NBAS: variants seen among roughly 807,000 people sequenced by gnomAD.
NBAS encodes NAG/BC035112 fusion.
Under a neutral mutation model 302.5 loss-of-function variants are expected in NBAS, and 219 were observed. The ratio of observed to expected loss-of-function variants is 0.72; its 90% CI spans 0.65 to 0.81. The LOEUF (loss-of-function observed/expected upper bound fraction) is 0.81. Among genes scored for constraint, NBAS ranks in the 30% least tolerant of loss-of-function variants. NBAS has a pLI of 0.00. For missense variants in NBAS, 2,932 were observed against 2,841.6 expected, an observed-to-expected ratio of 1.03 and a Z score of -0.72; for synonymous variants, 1,118 against 1,021.6, an observed-to-expected ratio of 1.09 and a Z score of -1.80.
Position 15,379,696 on chromosome 2 carries a change from T to C in NBAS, c.3496A>G (p.Ser1166Gly). ...AHKGKPHYRV[S>G]YEKSIDLVLA... is the part of the protein sequence containing the mutation. The stretch of plus-strand genomic sequence containing the variant: ...ACCAAGTCAATACTCTTTTCGTAGC[T>C]GACCCTGTAGTGGGGTTTCCCTTTA... Residue 1166 changes from serine to glycine, a missense_variant, in exon 30 of 52, where the codon AGC becomes GGC. Ser to Gly is a moderately conservative substitution (Grantham distance 56). Transcript: ENST00000281513. The C allele has an allele frequency of 2.5e-6, 4 of 1,614,080 alleles. No homozygotes were observed. Among genetic ancestry groups the C allele is most frequent in the South Asian group, 2.2e-5 (2 of 91,082 alleles).
At chr2:15,078,726 A>T in the NBAS span, among the ~76,000 whole-genome samples, 1 of 152,182 alleles carries the variant, frequency 6.6e-6, no homozygotes, top group Non-Finnish European at 1.5e-5. Context: ...CACTGTAAAA[A>T]AATTTCGACT....
chr2:15,133,400 A>G, the NBAS span, among the ~76,000 whole-genome samples: 14 of 152,200 alleles, frequency 9.2e-5, no homozygotes, highest in Non-Finnish European at 1.6e-4. Flanking sequence ...GATGAAATAT[A>G]TCTGAGTATT....
At chr2:15,532,102 T>C (rs1663245528) in intron 9 of NBAS, among the ~76,000 whole-genome samples, 1 of 152,188 alleles carries the variant, frequency 6.6e-6, no homozygotes, top group African/African-American at 2.4e-5. Context: ...GGAAAATCAC[T>C]GAAATCATGA....
chr2:14,983,267 C>A, the NBAS span, among the ~76,000 whole-genome samples: 1 of 152,160 alleles, frequency 6.6e-6, no homozygotes, highest in South Asian at 2.1e-4. Flanking sequence ...AGCCTTTTAG[C>A]CTCATTGGAT....
At chr2:15,034,252 G>GAAAGAAAGAAAGAA in the NBAS span, among the ~76,000 whole-genome samples, 2 of 94,236 alleles carry the variant, frequency 2.1e-5, no homozygotes, top group Non-Finnish European at 4.4e-5. Context: ...AAGAAAGAAA[G>GAAAGAAAGAAAGAA]AAAGAAAGAA....
the NBAS span, among the ~76,000 whole-genome samples, chr2:14,978,978 T>C: frequency 2.0e-5 from 3 of 152,162 alleles, no homozygotes; most frequent in South Asian, 4.1e-4. Context: ...TGGAGGTGCA[T>C]GGAGAGCTAT....
the NBAS span, among the ~76,000 whole-genome samples, chr2:14,949,684 T>C: frequency 6.6e-6 from 1 of 152,142 alleles, no homozygotes. Context: ...GATATAGATA[T>C]AGATATATAA....
chr2:15,093,929 A>G, the NBAS span, among the ~76,000 whole-genome samples: 2 of 152,232 alleles, frequency 1.3e-5, no homozygotes, highest in African/African-American at 4.8e-5. Flanking sequence ...GGTGATTCTC[A>G]TAATACTTCA....
At chr2:15,537,787 G>C (rs992572268) in intron 7 of NBAS, among the ~76,000 whole-genome samples, 5 of 152,132 alleles carry the variant, frequency 3.3e-5, no homozygotes, top group Non-Finnish European at 1.5e-5. Flanking sequence ...GAAGCTCCCT[G>C]TACATGTAAA....
At chr2:15,190,944 AG>A (rs1219821221) in intron 48 of NBAS, among the ~76,000 whole-genome samples, 4 of 152,236 alleles carry the variant, frequency 2.6e-5, no homozygotes, top group African/African-American at 9.6e-5. Context: ...CGAATGAAAA[AG>A]TAGTCTCTGC....
At chr2:15,528,866 C>CAAAAAAA (rs67437705) in intron 9 of NBAS, among the ~76,000 whole-genome samples, 7 of 88,718 alleles carry the variant, frequency 7.9e-5, no homozygotes, top group South Asian at 3.9e-4. Flanking sequence ...GACTCCATCT[C>CAAAAAAA]AAAAAAAAAA....
intron 21 of NBAS, among the ~76,000 whole-genome samples, chr2:15,442,877 C>T (rs1373781224): frequency 6.6e-6 from 1 of 152,016 alleles, no homozygotes; most frequent in African/African-American, 2.4e-5. Context: ...ACAAACACCT[C>T]TATGCAAATA....
At chr2:15,107,273 G>A in the NBAS span, among the ~76,000 whole-genome samples, 1 of 152,096 alleles carries the variant, frequency 6.6e-6, no homozygotes, top group Non-Finnish European at 1.5e-5. Context: ...GGCCATGTGA[G>A]GACATAGTGA....
chr2:15,421,902 C>T (rs1572824783), intron 23 of NBAS, among the ~76,000 whole-genome samples: 1 of 152,094 alleles, frequency 6.6e-6, no homozygotes. Context: ...CCTGCCCCAC[C>T]CTCCAACCAC....
At chr2:15,437,291 T>C (rs757959395) in intron 21 of NBAS, among the ~76,000 whole-genome samples, 1 of 152,134 alleles carries the variant, frequency 6.6e-6, no homozygotes, top group Non-Finnish European at 1.5e-5. Flanking sequence ...GAGACCATCC[T>C]GGGTGACAGA....
intron 48 of NBAS, among the ~76,000 whole-genome samples, chr2:15,214,662 A>C (rs1400204825): frequency 6.6e-6 from 1 of 152,228 alleles, no homozygotes; most frequent in Non-Finnish European, 1.5e-5. Flanking sequence ...TTAGCTTTGA[A>C]GACATTTAAG....
rs201325677 is a variant in NBAS at position 15,353,611 on chromosome 2, T to C, written c.4031A>G (p.His1344Arg). 1.2e-6 allele frequency: 2 copies of C among 1,614,072 alleles called. No individual in the cohort carries two copies. The highest frequency in any genetic ancestry group is 1.7e-5 in the Admixed American group (1 of 60,024). ...AAGTTCAATGCTGCTAGGAGGGCAA[T>C]GTGTCAAAGCAAAAGCCATGAGCTC... is the stretch of plus-strand genomic sequence containing the variant. ...RQELMAFALTHCPPSSIELLL... is the reference protein window; with the variant it reads ...RQELMAFALTRCPPSSIELLL... Residue 1344 changes from histidine (H) to arginine (R), a missense_variant, in exon 34 of 52, where the codon CAT (histidine) becomes CGT (arginine). Physicochemically the swap from His to Arg is conservative, Grantham distance 29 (BLOSUM62 0). Transcript: ENST00000281513.
At chr2:15,478,530 C>T (rs1269706512) in intron 12 of NBAS, among the ~76,000 whole-genome samples, 3 of 152,160 alleles carry the variant, frequency 2.0e-5, no homozygotes, top group African/African-American at 2.4e-5. Flanking sequence ...ATATGAACAA[C>T]AGGATAGCAA....
intron 37 of NBAS, 60 bp from the exon 38 acceptor site, chr2:15,327,930 C>T (rs1251178369): frequency 2.1e-5 from 33 of 1,597,022 alleles, no homozygotes; most frequent in African/African-American, 4.0e-5. Context: ...CAAACATATG[C>T]TTAGAAAACA....
Sources: allele counts gnomAD v4.1 joint callset (sites outside exome capture counted in the v4.1 genomes callset), GRCh38; gene constraint gnomAD v4.1.1; transcripts MANE v1.5; gene names NCBI Gene and HGNC (gene_info 2026-07-23, HGNC 2026-07-21).